SNTG1: variants seen among roughly 807,000 people sequenced by gnomAD.
The protein encoded by SNTG1 is syntrophin gamma 1, also known as gamma-1-syntrophin.
A neutral mutation model predicts 74.7 loss-of-function variants in SNTG1; 39 were observed. The ratio of observed to expected loss-of-function variants is 0.52; its 90% CI spans 0.40 to 0.68. The LOEUF is 0.68. SNTG1 is among the 30% of genes least tolerant of loss of function. The pLI is 0.00. For synonymous variants in SNTG1, 254 were observed against 217.1 expected, an observed-to-expected ratio of 1.17 and a Z score of -1.49; for missense variants, 685 against 609.5, an observed-to-expected ratio of 1.12 and a Z score of -1.30.
chr8:50,350,987 G>C (rs189898960), intron 2 of SNTG1, among the ~76,000 whole-genome samples: 1 of 152,164 alleles, frequency 6.6e-6, no homozygotes, highest in Non-Finnish European at 1.5e-5. Flanking sequence ...AATAAATCTT[G>C]TTGGTGCTCA....
intron 9 of SNTG1, among the ~76,000 whole-genome samples, chr8:50,519,910 A>G (rs1285515774): frequency 6.6e-6 from 1 of 152,056 alleles, no homozygotes; most frequent in Non-Finnish European, 1.5e-5. Context: ...GCTACCATTG[A>G]CTTTCTTCAC....
At chr8:50,073,653 C>A (rs1821572361) in intron 1 of SNTG1, among the ~76,000 whole-genome samples, 1 of 151,884 alleles carries the variant, frequency 6.6e-6, no homozygotes, top group South Asian at 2.1e-4. Flanking sequence ...ATTATAATAC[C>A]AGCAACTCAA....
chr8:50,691,538 G>T (rs949625154), intron 15 of SNTG1, among the ~76,000 whole-genome samples: 1 of 152,032 alleles, frequency 6.6e-6, no homozygotes, highest in Non-Finnish European at 1.5e-5. Flanking sequence ...GAAATTCTGG[G>T]TTGAAAATTC....
intron 2 of SNTG1, among the ~76,000 whole-genome samples, chr8:50,256,216 A>G (rs2086874901): frequency 6.6e-6 from 1 of 152,020 alleles, no homozygotes; most frequent in African/African-American, 2.4e-5. Flanking sequence ...AACAGCAGCC[A>G]AGCCTTTCAT....
chr8:50,229,687 C>A (rs767163402), intron 2 of SNTG1, among the ~76,000 whole-genome samples: 3 of 150,934 alleles, frequency 2.0e-5, no homozygotes, highest in Non-Finnish European at 3.0e-5. Flanking sequence ...ATTAAGCAGG[C>A]AAAAATTTCA....
chr8:50,679,953 G>C (rs2095324581), intron 15 of SNTG1, among the ~76,000 whole-genome samples: 1 of 152,130 alleles, frequency 6.6e-6, no homozygotes, highest in South Asian at 2.1e-4. Flanking sequence ...GCAGAAACCT[G>C]TATTTGGGCA....
intron 3 of SNTG1, among the ~76,000 whole-genome samples, chr8:50,396,419 A>G (rs1300368413): frequency 6.6e-6 from 1 of 152,234 alleles, no homozygotes; most frequent in East Asian, 1.9e-4. Flanking sequence ...CCAGGACTCG[A>G]ATAATGGCTA....
intron 1 of SNTG1, among the ~76,000 whole-genome samples, chr8:50,029,660 G>A (rs1381933191): frequency 6.6e-6 from 1 of 152,006 alleles, no homozygotes; most frequent in East Asian, 1.9e-4. Flanking sequence ...TTCCCTACAT[G>A]TTGCAAATGA....
At chr8:50,627,984 G>A (rs557965018) in intron 13 of SNTG1, among the ~76,000 whole-genome samples, 3 of 152,240 alleles carry the variant, frequency 2.0e-5, no homozygotes, top group African/African-American at 4.8e-5. Flanking sequence ...CAGGATTAAA[G>A]CATGGGCTGA....
chr8:50,694,942 A>G (rs937020102), intron 15 of SNTG1, among the ~76,000 whole-genome samples: 1 of 151,898 alleles, frequency 6.6e-6, no homozygotes, highest in Non-Finnish European at 1.5e-5. Context: ...CTTCAACACA[A>G]TAAAGGCCAT....
chr8:49,964,001 A>G (rs975952752), intron 1 of SNTG1, among the ~76,000 whole-genome samples: 2 of 152,202 alleles, frequency 1.3e-5, no homozygotes, highest in Non-Finnish European at 2.9e-5. Flanking sequence ...ACTCCACCCA[A>G]GTTAAATTAA....
chr8:50,434,472 T>C (rs2093279064), intron 4 of SNTG1, among the ~76,000 whole-genome samples: 1 of 49,372 alleles, frequency 2.0e-5, no homozygotes, highest in African/African-American at 5.9e-5. Context: ...CACACTGTCT[T>C]CCACAATGTT....
chr8:50,218,968 A>G (rs1022015653), intron 2 of SNTG1, among the ~76,000 whole-genome samples: 1 of 152,184 alleles, frequency 6.6e-6, no homozygotes, highest in Non-Finnish European at 1.5e-5. Context: ...CGAGGAAAAG[A>G]AGAGAAAGTC....
intron 2 of SNTG1, among the ~76,000 whole-genome samples, chr8:50,254,006 A>G (rs1035268009): frequency 5.9e-5 from 9 of 152,216 alleles, no homozygotes; most frequent in Non-Finnish European, 1.0e-4. Context: ...AATAGTTAAC[A>G]GTAAGGTATT....
intron 1 of SNTG1, among the ~76,000 whole-genome samples, chr8:50,075,411 A>G (rs1225533051): frequency 6.6e-6 from 1 of 152,200 alleles, no homozygotes; most frequent in Non-Finnish European, 1.5e-5. Flanking sequence ...GGGTTCATGT[A>G]TGCACCAATC....
intron 1 of SNTG1, among the ~76,000 whole-genome samples, chr8:50,075,944 A>G (rs1388466257): frequency 4.6e-5 from 7 of 152,178 alleles, no homozygotes; most frequent in Admixed American, 1.3e-4. Context: ...AAGAACTGTA[A>G]CACTCACCAC....
At position 50,268,261 on chromosome 8, in the gene SNTG1, T is replaced by A. The variant is rs140470141; in HGVS notation, c.-28+95626T>A. Among the ~76,000 whole-genome samples the A allele has an allele frequency of 2.2e-4, 34 of 152,294 alleles. No individual in the cohort carries two copies. The East Asian group carries it at 6.4e-3, about 29-fold the overall frequency. ...GTTGCTAAAATGAAATCAACCTATATTTAAATAAATGGAGAGACATATTAT... is the reference window on the plus strand; with the variant it reads ...GTTGCTAAAATGAAATCAACCTATAATTAAATAAATGGAGAGACATATTAT... On this transcript the variant is annotated intron_variant, in intron 2 of 18. Transcript: ENST00000642720.
At chr8:50,628,439 C>A (rs1490718480) in intron 13 of SNTG1, among the ~76,000 whole-genome samples, 1 of 152,062 alleles carries the variant, frequency 6.6e-6, no homozygotes, top group African/African-American at 2.4e-5. Flanking sequence ...TTGTTCTGAT[C>A]TTATTTAGGG....
intron 2 of SNTG1, among the ~76,000 whole-genome samples, chr8:50,272,230 T>C (rs547578636): frequency 1.3e-5 from 2 of 152,384 alleles, no homozygotes; most frequent in South Asian, 4.1e-4. Flanking sequence ...AATGTTTATT[T>C]GGCTAGTCTG....
Sources: allele counts gnomAD v4.1 joint callset (sites outside exome capture counted in the v4.1 genomes callset), GRCh38; gene constraint gnomAD v4.1.1; transcripts MANE v1.5; gene names NCBI Gene and HGNC (gene_info 2026-07-23, HGNC 2026-07-21).